Variants in RTF1 observed in about 807,000 individuals in gnomAD.
The protein encoded by RTF1 is RTF1 homolog, Paf1/RNA polymerase II complex component, also known as RNA polymerase-associated protein RTF1 homolog.
In RTF1, 10 loss-of-function variants were observed where a neutral mutation model predicts 95.7. The observed-to-expected ratio is 0.10, with a 90% CI of 0.06 to 0.18. The LOEUF is 0.18. RTF1 is among the 10% of genes least tolerant of loss of function. The pLI is 1.00. For synonymous variants in RTF1, 305 were observed against 311.8 expected, an observed-to-expected ratio of 0.98 and a Z score of 0.23; for missense variants, 458 against 875.6, an observed-to-expected ratio of 0.52 and a Z score of 6.02.
intron 6 of RTF1, 41 bp from the exon 7 acceptor site, chr15:41,470,216 T>C (rs945892371): frequency 1.0e-5 from 16 of 1,593,542 alleles, no homozygotes; most frequent in Non-Finnish European, 1.3e-5. Flanking sequence ...TTCATTTTCT[T>C]GTTGAGAAAA....
At position 41,480,684 on chromosome 15, in the gene RTF1, T is replaced by C; in HGVS notation, c.2130T>C (p.Ile710=). 6.2e-7 allele frequency: 1 copy of C among 1,609,860 alleles called. No homozygotes were observed. Among genetic ancestry groups the C allele is most frequent in the Non-Finnish European group, 8.5e-7 (1 of 1,176,060 alleles). The part of the protein sequence containing the change: ...LEDYKKRRGL[I] ...ACTACAAAAAACGACGAGGGCTTAT[T>C]TGAGCACACCCAGCCTGCTGCTTCT... is the stretch of plus-strand genomic sequence containing the variant. Residue 710 remains isoleucine (I), a synonymous_variant, in exon 18 of 18, where the codon ATT becomes ATC. Transcript: ENST00000389629.
At chr15:41,468,362 G>T (rs2050891050) in intron 6 of RTF1, among the ~76,000 whole-genome samples, 2 of 151,920 alleles carry the variant, frequency 1.3e-5, no homozygotes, top group Admixed American at 1.3e-4. Context: ...CTGTCGCCCA[G>T]GTTGGAGTGC....
At position 41,419,729 on chromosome 15, in the gene RTF1, A is replaced by G. The variant is rs574268765; in HGVS notation, c.198+2416A>G. Among the ~76,000 whole-genome samples the G allele has an allele frequency of 2.0e-5, 3 of 152,350 alleles. No individual in the cohort carries two copies. The South Asian group carries it at 6.2e-4, about 32-fold the overall frequency. ...TTCCCACAGAATTCTGATGAATAAA[A>G]TAAGTTGAGTGCTTCTTTTCGTGGT... On this transcript the variant is annotated intron_variant, in intron 1 of 17. Transcript: ENST00000389629.
intron 1 of RTF1, among the ~76,000 whole-genome samples, chr15:41,422,206 T>C (rs1451662242): frequency 6.6e-6 from 1 of 150,898 alleles, no homozygotes; most frequent in Non-Finnish European, 1.5e-5. Flanking sequence ...GGCTAATTTT[T>C]TGTATTTTCA....
intron 2 of RTF1, among the ~76,000 whole-genome samples, chr15:41,443,113 G>A (rs572960144): frequency 2.4e-4 from 37 of 152,096 alleles, no homozygotes; most frequent in Non-Finnish European, 4.6e-4. Flanking sequence ...TCGGTAATTT[G>A]TTTATAAAAT....
intron 2 of RTF1, among the ~76,000 whole-genome samples, 152 bp from the exon 3 acceptor site, chr15:41,452,749 T>G (rs1328931357): frequency 6.6e-6 from 1 of 152,100 alleles, no homozygotes; most frequent in African/African-American, 2.4e-5. Flanking sequence ...AAAAATTTTT[T>G]TTTTCAAAAA....
chr15:41,463,868 T>C (rs117114362), intron 4 of RTF1, among the ~76,000 whole-genome samples: 2 of 152,014 alleles, frequency 1.3e-5, no homozygotes, highest in East Asian at 3.9e-4. Flanking sequence ...GTTGTTTGTT[T>C]TCAAGACGGA....
chr15:41,419,159 TTTGA>T lies in RTF1; in HGVS notation c.198+1850_198+1853del, dbSNP rs774305158. ...AAAAGTATAATTTCGACTGTAAAAG[TTTGA>T]TTGGTAGATAATTTTAGACTGGCAA... On this transcript the variant is annotated intron_variant, in intron 1 of 17. Coordinates refer to ENST00000389629, the MANE Select transcript of RTF1 (RefSeq NM_015138.5). 9.8e-5 allele frequency among the ~76,000 whole-genome samples: 15 copies of T among 152,306 alleles called. No individual in the cohort carries two copies. In the East Asian group the frequency reaches 1.3e-3, roughly 14 times the overall value.
intron 1 of RTF1, among the ~76,000 whole-genome samples, chr15:41,429,899 ATTGT>A (rs1166069060): frequency 6.6e-6 from 1 of 151,502 alleles, no homozygotes; most frequent in Non-Finnish European, 1.5e-5. Flanking sequence ...TTACTTGTTC[ATTGT>A]TTGTCTCCCA....
At chr15:41,471,379 C>A in intron 8 of RTF1, 30 bp downstream of exon 8, 1 of 1,587,384 alleles carries the variant, frequency 6.3e-7, no homozygotes, top group Non-Finnish European at 8.6e-7. Flanking sequence ...GACAATTGTC[C>A]ATGCTTTCAG....
chr15:41,453,134 G>C, intron 3 of RTF1, 86 bp downstream of exon 3: 1 of 1,160,368 alleles, frequency 8.6e-7, no homozygotes. Flanking sequence ...AGGAAGGGGG[G>C]TACTTGCATT....
rs2050615663 is a variant in RTF1 at position 41,423,895 on chromosome 15, G to GGC, written c.198+6583_198+6584insCG. 2.0e-5 allele frequency among the ~76,000 whole-genome samples: 3 copies of GGC among 152,154 alleles called. No individual in the cohort carries two copies. The East Asian group carries it at 5.8e-4, about 29-fold the overall frequency. ...AGCCTCCCAAGTAGCTGGGATTACAGGTATGCACCACCATGCCCGACTAAT... is the reference window on the plus strand; with the variant it reads ...AGCCTCCCAAGTAGCTGGGATTACAGGCGTATGCACCACCATGCCCGACTAAT... On this transcript the variant is annotated intron_variant, in intron 1 of 17. Coordinates refer to ENST00000389629, the MANE Select transcript of RTF1 (RefSeq NM_015138.5).
At chr15:41,433,710 A>C (rs746273721) in intron 1 of RTF1, among the ~76,000 whole-genome samples, 1 of 152,180 alleles carries the variant, frequency 6.6e-6, no homozygotes. Context: ...TATATAACCC[A>C]GCAATCCCAG....
chr15:41,449,486 G>T (rs1443003898), intron 2 of RTF1, among the ~76,000 whole-genome samples: 1 of 152,040 alleles, frequency 6.6e-6, no homozygotes, highest in East Asian at 1.9e-4. Context: ...CCAGCCGGCA[G>T]CAGGTGATTT....
chr15:41,460,016 G>A (rs750683563), intron 4 of RTF1, among the ~76,000 whole-genome samples: 1 of 151,900 alleles, frequency 6.6e-6, no homozygotes, highest in Admixed American at 6.6e-5. Context: ...AGTTTTGTTT[G>A]TCCCTTCTGG....
chr15:41,438,506 TC>T (rs2050716490), intron 2 of RTF1, 75 bp downstream of exon 2: 1 of 924,742 alleles, frequency 1.1e-6, no homozygotes, highest in Non-Finnish European at 1.6e-6. Context: ...CCTGTTGGCC[TC>T]ATTTCCTTAA....
intron 1 of RTF1, among the ~76,000 whole-genome samples, chr15:41,426,929 C>T (rs2050636851): frequency 6.7e-6 from 1 of 149,070 alleles, no homozygotes; most frequent in Non-Finnish European, 1.5e-5. Context: ...GCAACCTCCA[C>T]CTCCCAGGTT....
intron 2 of RTF1, among the ~76,000 whole-genome samples, chr15:41,440,916 C>T (rs1595429642): frequency 6.6e-6 from 1 of 151,634 alleles, no homozygotes; most frequent in African/African-American, 2.4e-5. Context: ...TCTTTAAATG[C>T]CTAGACAATA....
At chr15:41,439,507 C>G (rs2050722019) in intron 2 of RTF1, among the ~76,000 whole-genome samples, 1 of 152,138 alleles carries the variant, frequency 6.6e-6, no homozygotes, top group South Asian at 2.1e-4. Context: ...GAAAATCCAA[C>G]TGTTCATTGT....
Sources: gnomAD v4.1 joint callset for allele counts (sites outside exome capture counted in the v4.1 genomes callset) on GRCh38, gnomAD v4.1.1 for gene constraint, MANE v1.5 for transcripts, NCBI Gene and HGNC (gene_info 2026-07-23, HGNC 2026-07-21) for gene names.